The following GALNT13 variants were observed in gnomAD, a reference collection of about 807,000 sequenced individuals.
The protein encoded by GALNT13 is polypeptide N-acetylgalactosaminyltransferase 13, also known as UDP-GalNAc:polypeptide N-acetylgalactosaminyltransferase 13.
A neutral mutation model predicts 64.2 loss-of-function variants in GALNT13; 28 were observed. The observed-to-expected ratio is 0.44, with a 90% CI of 0.32 to 0.60. The LOEUF (loss-of-function observed/expected upper bound fraction) is 0.60. GALNT13 is among the 20% of genes least tolerant of loss of function. The pLI is 0.05. For synonymous variants in GALNT13, 214 were observed against 224.6 expected, an observed-to-expected ratio of 0.95 and a Z score of 0.42; for missense variants, 577 against 669.8, an observed-to-expected ratio of 0.86 and a Z score of 1.53.
At chr2:153,437,832 G>A in the GALNT13 span, among the ~76,000 whole-genome samples, 41 of 152,104 alleles carry the variant, frequency 2.7e-4, no homozygotes, top group African/African-American at 8.7e-4. Flanking sequence ...TTACATTTAA[G>A]GTTAATATTG....
chr2:154,213,094 GT>G (rs989884206), intron 4 of GALNT13, among the ~76,000 whole-genome samples: 5 of 152,008 alleles, frequency 3.3e-5, no homozygotes, highest in African/African-American at 1.2e-4. Flanking sequence ...AGGAAGTCAG[GT>G]TTTTGTTCAT....
the GALNT13 span, among the ~76,000 whole-genome samples, chr2:153,822,349 C>G: frequency 9.2e-5 from 14 of 152,136 alleles, no homozygotes; most frequent in Middle Eastern, 0.02. Flanking sequence ...ACTAGCAAGC[C>G]AAATCCAGCA....
At chr2:153,314,830 T>C in the GALNT13 span, among the ~76,000 whole-genome samples, 1 of 151,720 alleles carries the variant, frequency 6.6e-6, no homozygotes, top group African/African-American at 2.4e-5. Flanking sequence ...AATAAGGTCT[T>C]GTCAGTAACC....
At chr2:153,131,688 G>A in the GALNT13 span, among the ~76,000 whole-genome samples, 1 of 152,088 alleles carries the variant, frequency 6.6e-6, no homozygotes. Context: ...GTCACATGGT[G>A]TATTCATGTT....
chr2:154,127,782 A>T (rs1242870696), intron 3 of GALNT13, among the ~76,000 whole-genome samples: 1 of 150,858 alleles, frequency 6.6e-6, no homozygotes, highest in Non-Finnish European at 1.5e-5. Context: ...CCATATACAC[A>T]CACAGAAACT....
At chr2:153,695,181 A>G in the GALNT13 span, among the ~76,000 whole-genome samples, 1 of 152,198 alleles carries the variant, frequency 6.6e-6, no homozygotes, top group African/African-American at 2.4e-5. Context: ...CCAGGGATTT[A>G]ATTGGGAGCT....
chr2:153,381,437 C>T, the GALNT13 span, among the ~76,000 whole-genome samples: 3 of 151,938 alleles, frequency 2.0e-5, no homozygotes, highest in African/African-American at 7.2e-5. Context: ...CCCCAGAATT[C>T]TTTTAAACGA....
the GALNT13 span, among the ~76,000 whole-genome samples, chr2:153,141,735 G>A: frequency 6.6e-6 from 1 of 152,048 alleles, no homozygotes; most frequent in South Asian, 2.1e-4. Flanking sequence ...CTGGGAGAGG[G>A]TCTCAGAGCT....
chr2:153,292,167 C>T, the GALNT13 span, among the ~76,000 whole-genome samples: 8 of 152,202 alleles, frequency 5.3e-5, no homozygotes, highest in East Asian at 3.9e-4. Context: ...AAGCACATCA[C>T]GGTGGGCCAA....
At chr2:153,733,686 CT>C in the GALNT13 span, among the ~76,000 whole-genome samples, 1 of 152,102 alleles carries the variant, frequency 6.6e-6, no homozygotes, top group Non-Finnish European at 1.5e-5. Context: ...TTTAAAGCTG[CT>C]ATTGGGCAAA....
At chr2:153,797,958 G>A in the GALNT13 span, among the ~76,000 whole-genome samples, 1 of 152,128 alleles carries the variant, frequency 6.6e-6, no homozygotes, top group Non-Finnish European at 1.5e-5. Context: ...TCTAGCACCT[G>A]GCTTTTCATG....
intron 11 of GALNT13, among the ~76,000 whole-genome samples, chr2:154,429,797 G>A (rs578078436): frequency 2.6e-4 from 39 of 152,216 alleles, no homozygotes; most frequent in African/African-American, 8.4e-4. Flanking sequence ...GAAAAATATA[G>A]CGAGTGACTT....
the GALNT13 span, among the ~76,000 whole-genome samples, chr2:153,709,043 A>T: frequency 6.6e-6 from 1 of 152,116 alleles, no homozygotes; most frequent in Non-Finnish European, 1.5e-5. Context: ...AGAAGAAATC[A>T]GGGGAAAAAT....
chr2:153,088,794 C>T, the GALNT13 span, among the ~76,000 whole-genome samples: 1 of 152,104 alleles, frequency 6.6e-6, no homozygotes, highest in African/African-American at 2.4e-5. Context: ...GCTACTCCTG[C>T]TTGCATTTGG....
At chr2:153,977,147 T>C (rs1412514262) in intron 3 of GALNT13, among the ~76,000 whole-genome samples, 1 of 152,184 alleles carries the variant, frequency 6.6e-6, no homozygotes, top group East Asian at 1.9e-4. Context: ...ATAATTTGAC[T>C]TAAATAAACC....
chr2:154,073,932 A>T (rs923701826), intron 3 of GALNT13, among the ~76,000 whole-genome samples: 1 of 151,956 alleles, frequency 6.6e-6, no homozygotes, highest in Non-Finnish European at 1.5e-5. Flanking sequence ...AGTTTCTAAT[A>T]AGGCAGATAC....
At chr2:153,292,430 G>A in the GALNT13 span, among the ~76,000 whole-genome samples, 5 of 152,148 alleles carry the variant, frequency 3.3e-5, no homozygotes, top group African/African-American at 4.8e-5. Context: ...ACAGTCTCAC[G>A]AAAAGTCAAG....
At chr2:154,037,464 C>A (rs953860597) in intron 3 of GALNT13, among the ~76,000 whole-genome samples, 33 of 152,148 alleles carry the variant, frequency 2.2e-4, no homozygotes, top group African/African-American at 7.7e-4. Flanking sequence ...AGGATGCCTC[C>A]TTTCACCATT....
chr2:154,402,006 G>A (rs1699323176), intron 10 of GALNT13, among the ~76,000 whole-genome samples: 1 of 151,992 alleles, frequency 6.6e-6, no homozygotes, highest in Non-Finnish European at 1.5e-5. Flanking sequence ...ATCATATTAT[G>A]GAAATATTAA....
Sources: allele counts gnomAD v4.1 joint callset (sites outside exome capture counted in the v4.1 genomes callset), GRCh38; gene constraint gnomAD v4.1.1; transcripts MANE v1.5; gene names NCBI Gene and HGNC (gene_info 2026-07-23, HGNC 2026-07-21).